Variants in PXDNL observed in about 807,000 individuals in gnomAD.
PXDNL encodes the protein peroxidasin like, also known as probable oxidoreductase PXDNL.
A neutral mutation model predicts 150.8 loss-of-function variants in PXDNL; 145 were observed. The observed-to-expected ratio is 0.96, with a 90% CI of 0.84 to 1.10. The LOEUF (loss-of-function observed/expected upper bound fraction) is 1.10, where lower values mean the gene tolerates loss of function less well. PXDNL is among the 50% of genes least tolerant of loss of function. The probability of loss-of-function intolerance (pLI) is 0.00; values close to 1 mark genes in which losing one functional copy is unlikely to be tolerated. For synonymous variants in PXDNL, 757 were observed against 725.7 expected, an observed-to-expected ratio of 1.04 and a Z score of -0.69; for missense variants, 2,087 against 1,873.9, an observed-to-expected ratio of 1.11 and a Z score of -2.10.
In PXDNL at chr8:51,408,434, G is replaced by T; in HGVS notation, c.3190C>A (p.Leu1064Ile). 1 of 1,614,026 alleles carries T rather than the reference G, an allele frequency of 6.2e-7. No homozygotes were observed. The highest frequency in any genetic ancestry group is 8.5e-7 in the Non-Finnish European group (1 of 1,179,876). ...CCTAAGGTGGCATTCAGTCGGTAAAGAATAGGATTGATTAATGTGTGGCCA... is the reference window on the plus strand; with the variant it reads ...CCTAAGGTGGCATTCAGTCGGTAAATAATAGGATTGATTAATGTGTGGCCA... ...RFGHTLINPI[L>I]YRLNATLGEI... The change falls in exon 17 of 23, where the codon CTT becomes ATT. Residue 1064 changes from leucine (L) to isoleucine (I), a missense_variant. Physicochemically the swap from Leu to Ile is conservative, Grantham distance 5. Coordinates refer to ENST00000356297, the MANE Select transcript of PXDNL (RefSeq NM_144651.5).
intron 19 of PXDNL, among the ~76,000 whole-genome samples, chr8:51,355,180 G>A (rs1312479547): frequency 6.6e-6 from 1 of 152,052 alleles, no homozygotes; most frequent in Non-Finnish European, 1.5e-5. Context: ...TACTTCGAAG[G>A]CATTTTATAA....
intron 1 of PXDNL, among the ~76,000 whole-genome samples, chr8:51,787,100 G>GAA (rs61051633): frequency 0.98 from 138,654 of 141,064 alleles, 68,163 homozygotes; most frequent in Middle Eastern, 0.99. Flanking sequence ...CTACTTCCCA[G>GAA]AAAAAAAAAA....
intron 2 of PXDNL, among the ~76,000 whole-genome samples, chr8:51,644,405 C>CATATGTATATATATACACAT (rs10685147): frequency 8.5e-5 from 7 of 82,712 alleles, no homozygotes; most frequent in African/African-American, 1.9e-4. Context: ...TATATATACA[C>CATATGTATATATATACACAT]ATGTGTGTGT....
At chr8:51,457,971 C>T (rs1809972533) in intron 8 of PXDNL, among the ~76,000 whole-genome samples, 1 of 152,092 alleles carries the variant, frequency 6.6e-6, no homozygotes, top group South Asian at 2.1e-4. Flanking sequence ...ATGACAGACA[C>T]TTCAGCACAT....
At chr8:51,446,974 A>C in intron 12 of PXDNL, 30 bp downstream of exon 12, 1 of 1,610,876 alleles carries the variant, frequency 6.2e-7, no homozygotes, top group Non-Finnish European at 8.5e-7. Context: ...CACACTTCAG[A>C]ATGTGAATAT....
chr8:51,404,213 A>G (rs961525536), intron 17 of PXDNL, among the ~76,000 whole-genome samples: 4 of 152,266 alleles, frequency 2.6e-5, no homozygotes, highest in African/African-American at 9.6e-5. Context: ...GCGAAAGAAC[A>G]AAGCTTCCAC....
intron 19 of PXDNL, among the ~76,000 whole-genome samples, chr8:51,350,727 C>A (rs897091655): frequency 1.3e-5 from 2 of 152,130 alleles, no homozygotes; most frequent in African/African-American, 4.8e-5. Context: ...GAGCAGGAAC[C>A]GCCATGTTGG....
chr8:51,367,048 C>A (rs547470144), intron 19 of PXDNL, among the ~76,000 whole-genome samples: 1 of 132,704 alleles, frequency 7.5e-6, no homozygotes, highest in Admixed American at 9.4e-5. Flanking sequence ...TTTCAATAAG[C>A]CGAGATCACA....
At chr8:51,518,544 A>G (rs1811593454) in intron 4 of PXDNL, among the ~76,000 whole-genome samples, 1 of 152,218 alleles carries the variant, frequency 6.6e-6, no homozygotes. Context: ...TGTAATCTTG[A>G]TTTGTGTCCT....
At chr8:51,478,446 C>G (rs929607545) in intron 6 of PXDNL, among the ~76,000 whole-genome samples, 4 of 152,178 alleles carry the variant, frequency 2.6e-5, no homozygotes, top group African/African-American at 9.7e-5. Flanking sequence ...TATTTGAAAA[C>G]AGTAACACCT....
intron 4 of PXDNL, among the ~76,000 whole-genome samples, chr8:51,547,943 A>T (rs1346899855): frequency 6.6e-6 from 1 of 152,164 alleles, no homozygotes; most frequent in African/African-American, 2.4e-5. Context: ...AAAAATACAG[A>T]ATATGAATGA....
chr8:51,727,284 TATC>T (rs1352903451), intron 1 of PXDNL, among the ~76,000 whole-genome samples: 1 of 152,232 alleles, frequency 6.6e-6, no homozygotes, highest in Non-Finnish European at 1.5e-5. Flanking sequence ...TAATCTATAG[TATC>T]ATTTTACAAT....
chr8:51,662,834 G>C (rs1168920495), intron 1 of PXDNL, among the ~76,000 whole-genome samples: 1 of 152,206 alleles, frequency 6.6e-6, no homozygotes, highest in Non-Finnish European at 1.5e-5. Flanking sequence ...AAATAGGTCA[G>C]CAGCAAGGGA....
chr8:51,792,167 G>A (rs1407638122), intron 1 of PXDNL, among the ~76,000 whole-genome samples: 5 of 151,360 alleles, frequency 3.3e-5, no homozygotes, highest in African/African-American at 1.2e-4. Flanking sequence ...AACAGCTGCG[G>A]TCAGAGGCGC....
At chr8:51,397,962 A>ATC (rs1282328831) in intron 17 of PXDNL, among the ~76,000 whole-genome samples, 1 of 152,158 alleles carries the variant, frequency 6.6e-6, no homozygotes, top group Non-Finnish European at 1.5e-5. Flanking sequence ...TATGGTAAAA[A>ATC]TCTTTCATTT....
intron 12 of PXDNL, 116 bp from the exon 13 acceptor site, chr8:51,426,874 T>A (rs1176812964): frequency 3.3e-6 from 2 of 603,092 alleles, no homozygotes; most frequent in Non-Finnish European, 5.8e-6. Context: ...ACTAGTTTTT[T>A]AAAAATCAAT....
chr8:51,573,181 A>G (rs1041917468), intron 3 of PXDNL, among the ~76,000 whole-genome samples: 4 of 151,998 alleles, frequency 2.6e-5, no homozygotes, highest in Admixed American at 2.6e-4. Flanking sequence ...CACTCATGCC[A>G]TTAAAAGTCA....
chr8:51,537,310 C>T (rs1286615105), intron 4 of PXDNL, among the ~76,000 whole-genome samples: 1 of 152,176 alleles, frequency 6.6e-6, no homozygotes, highest in Admixed American at 6.5e-5. Context: ...CTACTGAGCA[C>T]CATGATAAGA....
At chr8:51,772,226 C>G (rs1398158299) in intron 1 of PXDNL, among the ~76,000 whole-genome samples, 1 of 141,060 alleles carries the variant, frequency 7.1e-6, no homozygotes, top group African/African-American at 2.7e-5. Context: ...CTCTTTCTCT[C>G]TCTCTCTATA....
Sources: allele counts gnomAD v4.1 joint callset (sites outside exome capture counted in the v4.1 genomes callset), GRCh38; gene constraint gnomAD v4.1.1; transcripts MANE v1.5; gene names NCBI Gene and HGNC (gene_info 2026-07-23, HGNC 2026-07-21).